The following FKBP5 variants were observed in gnomAD, a reference collection of about 807,000 sequenced individuals.
FKBP5 encodes peptidyl-prolyl cis-trans isomerase FKBP5.
In FKBP5, 23 loss-of-function variants were observed where a neutral mutation model predicts 50.5. That is an observed-to-expected ratio of 0.46 (90% confidence interval 0.33 to 0.65). FKBP5 has a LOEUF of 0.65. FKBP5 is among the 30% of genes least tolerant of loss of function. The pLI, the probability that FKBP5 is intolerant of heterozygous loss-of-function variation, is 0.02. For missense variants in FKBP5, 411 were observed against 553.1 expected, an observed-to-expected ratio of 0.74 and a Z score of 2.58; for synonymous variants, 176 against 190.6, an observed-to-expected ratio of 0.92 and a Z score of 0.63.
chr6:35,591,085 G>T, intron 7 of FKBP5, 45 bp downstream of exon 7: 1 of 1,273,150 alleles, frequency 7.9e-7, no homozygotes, highest in African/African-American at 1.5e-5. Flanking sequence ...GAAGTGGATG[G>T]AGAAGAAACC....
At chr6:35,619,063 T>C in intron 5 of FKBP5, 33 bp downstream of exon 5, 1 of 1,451,992 alleles carries the variant, frequency 6.9e-7, no homozygotes, top group Non-Finnish European at 9.6e-7. Flanking sequence ...GCCCAACTTT[T>C]AAGGACTAGT....
chr6:35,581,200 A>G (rs777997521), intron 8 of FKBP5: 25 of 979,918 alleles, frequency 2.6e-5, no homozygotes, highest in Non-Finnish European at 3.0e-5. Flanking sequence ...TACAACATAA[A>G]TAACAACTAT....
chr6:35,641,910 T>C (rs1460514301), intron 2 of FKBP5, among the ~76,000 whole-genome samples: 1 of 151,760 alleles, frequency 6.6e-6, no homozygotes, highest in African/African-American at 2.4e-5. Flanking sequence ...GCAGAATTGC[T>C]TGAATCCAGG....
chr6:35,703,461 G>A (rs549610620), intron 2 of FKBP5, among the ~76,000 whole-genome samples: 7 of 151,990 alleles, frequency 4.6e-5, no homozygotes, highest in Non-Finnish European at 2.9e-5. Context: ...GATACTCAAG[G>A]TGATTGATAT....
intron 1 of FKBP5, among the ~76,000 whole-genome samples, chr6:35,727,029 T>A (rs1028296282): frequency 3.3e-5 from 5 of 152,094 alleles, no homozygotes; most frequent in Non-Finnish European, 7.4e-5. Context: ...GAGACAGGAA[T>A]CAGATTTGGC....
chr6:35,619,932 T>C (rs1391588582), intron 4 of FKBP5, among the ~76,000 whole-genome samples, 200 bp downstream of exon 4: 1 of 152,206 alleles, frequency 6.6e-6, no homozygotes, highest in Non-Finnish European at 1.5e-5. Flanking sequence ...CTTTTTGTGC[T>C]AGAAACACGT....
chr6:35,640,842 G>T (rs1029874559), intron 2 of FKBP5, among the ~76,000 whole-genome samples: 1 of 152,070 alleles, frequency 6.6e-6, no homozygotes, highest in African/African-American at 2.4e-5. Flanking sequence ...AGGATCATCA[G>T]TATCACTGTC....
At chr6:35,696,375 G>A (rs1581892143) in intron 2 of FKBP5, among the ~76,000 whole-genome samples, 1 of 151,770 alleles carries the variant, frequency 6.6e-6, no homozygotes, top group East Asian at 1.9e-4. Flanking sequence ...AGCCCAGCAT[G>A]GTGGCATGCA....
intron 8 of FKBP5, chr6:35,583,192 G>C: frequency 1.0e-6 from 1 of 985,368 alleles, no homozygotes; most frequent in African/African-American, 1.7e-5. Context: ...AGGAAGGACA[G>C]GCATTTCCCC....
chr6:35,614,998 C>CT, intron 5 of FKBP5, among the ~76,000 whole-genome samples: 1 of 151,926 alleles, frequency 6.6e-6, no homozygotes, highest in Admixed American at 6.6e-5. Flanking sequence ...TGGCAGGCAC[C>CT]TGTAAATCCC....
chr6:35,644,948 C>T (rs929148683), intron 1 of FKBP5, among the ~76,000 whole-genome samples: 7 of 152,098 alleles, frequency 4.6e-5, no homozygotes, highest in African/African-American at 1.7e-4. Context: ...CAAATGAAAA[C>T]CACCAGGTGA....
At chr6:35,725,921 G>A (rs776133079) in intron 1 of FKBP5, among the ~76,000 whole-genome samples, 3 of 152,158 alleles carry the variant, frequency 2.0e-5, no homozygotes, top group Non-Finnish European at 4.4e-5. Flanking sequence ...TCGGGGCACC[G>A]CAGGGAAAGT....
At chr6:35,649,420 AT>A (rs1478390145) in intron 1 of FKBP5, among the ~76,000 whole-genome samples, 1 of 137,022 alleles carries the variant, frequency 7.3e-6, no homozygotes, top group Non-Finnish European at 1.5e-5. Context: ...ATGAGTAAGT[AT>A]TTGGCTAAAA....
intron 1 of FKBP5, among the ~76,000 whole-genome samples, chr6:35,652,666 C>A (rs954978067): frequency 1.3e-5 from 2 of 152,142 alleles, no homozygotes; most frequent in Non-Finnish European, 2.9e-5. Context: ...GACAATGGTG[C>A]CCGAAACTTT....
At chr6:35,599,490 C>T (rs1254099045) in intron 5 of FKBP5, among the ~76,000 whole-genome samples, 2 of 152,052 alleles carry the variant, frequency 1.3e-5, no homozygotes, top group Non-Finnish European at 2.9e-5. Flanking sequence ...TCTCTTTTTT[C>T]GATTTGCTAA....
chr6:35,672,550 C>T (rs1231348249), intron 1 of FKBP5, among the ~76,000 whole-genome samples: 1 of 151,252 alleles, frequency 6.6e-6, no homozygotes, highest in African/African-American at 2.4e-5. Context: ...CACTTTTTAC[C>T]TCTCTAATCA....
In FKBP5 at chr6:35,574,173, G is replaced by A. The variant is rs1221159093; in HGVS notation, c.*1662C>T. On this transcript the variant is annotated 3_prime_UTR_variant, in exon 11 of 11. Coordinates refer to ENST00000357266, the MANE Select transcript of FKBP5 (RefSeq NM_004117.4). Reference sequence around the variant, plus strand: ...AGAGGGATTTTAGTTATCATTAAAGGAAAAAACTCACAAATTGATCCCATT... The same window carrying A: ...AGAGGGATTTTAGTTATCATTAAAGAAAAAAACTCACAAATTGATCCCATT... The A allele has an allele frequency of 6.6e-6, 1 of 152,142 alleles. No individual in the cohort carries two copies. The highest frequency in any genetic ancestry group is 2.4e-5 in the African/African-American group (1 of 41,426). 9.4% of individuals were successfully genotyped at this position (152,142 alleles called of 1,614,324 possible). A position where few individuals can be genotyped will look rare whatever the true frequency, so the allele number is the denominator to read the frequency against.
intron 1 of FKBP5, among the ~76,000 whole-genome samples, chr6:35,653,456 T>C (rs1764867678): frequency 6.6e-6 from 1 of 152,212 alleles, no homozygotes; most frequent in African/African-American, 2.4e-5. Flanking sequence ...AATTTCATAT[T>C]GACGATACAT....
chr6:35,606,273 GA>G (rs1763311656), intron 5 of FKBP5, among the ~76,000 whole-genome samples: 1 of 152,056 alleles, frequency 6.6e-6, no homozygotes, highest in African/African-American at 2.4e-5. Flanking sequence ...CAACGAACAT[GA>G]AAAAATGCCG....
Sources: gnomAD v4.1 joint callset for allele counts (sites outside exome capture counted in the v4.1 genomes callset) on GRCh38, gnomAD v4.1.1 for gene constraint, MANE v1.5 for transcripts, NCBI Gene and HGNC (gene_info 2026-07-23, HGNC 2026-07-21) for gene names.